CROCC2: variants seen among roughly 807,000 people sequenced by gnomAD.
CROCC2 encodes the protein ciliary rootlet coiled-coil, rootletin family member 2.
In CROCC2, 163 loss-of-function variants were observed where a neutral mutation model predicts 177.6. The ratio of observed to expected loss-of-function variants is 0.92; its 90% CI spans 0.81 to 1.05. The LOEUF is 1.05. Among genes scored for constraint, CROCC2 ranks in the 50% least tolerant of loss-of-function variants. CROCC2 has a pLI of 0.00. For synonymous variants in CROCC2, 904 were observed against 787.3 expected (o/e 1.15, Z -2.48); for missense variants, 1,929 against 1,797.8 (o/e 1.07, Z -1.32).
chr2:240,936,699 C>G lies in CROCC2; in HGVS notation c.2169+1111C>G, dbSNP rs566832220. 2.0e-5 allele frequency among the ~76,000 whole-genome samples: 3 copies of G among 152,286 alleles called. No individual in the cohort carries two copies. The South Asian group carries it at 6.2e-4, about 32-fold the overall frequency. The stretch of plus-strand genomic sequence containing the variant: ...GGGCACTTTTACATATCACTGGGAC[C>G]AGCACCCAGGTGATGTGAATTCTCT... On this transcript the variant is annotated intron_variant, in intron 14 of 31. Coordinates refer to ENST00000690015, the MANE Select transcript of CROCC2 (RefSeq NM_001351305.2).
chr2:240,966,439 G>A (rs988877808), intron 25 of CROCC2, 30 bp downstream of exon 25: 12 of 399,950 alleles, frequency 3.0e-5, no homozygotes, highest in South Asian at 1.3e-4. Context: ...TCCCGCCCAC[G>A]GCGGCACCCC....
intron 27 of CROCC2, among the ~76,000 whole-genome samples, chr2:240,975,919 TG>T (rs1270348335): frequency 1.3e-5 from 2 of 149,852 alleles, no homozygotes; most frequent in African/African-American, 2.5e-5. Context: ...TTAGTAGGAC[TG>T]GGGCTTCATT....
Position 240,918,523 on chromosome 2 carries a change from C to G in CROCC2, c.79-203C>G, listed in dbSNP as rs1247087959. Among the ~76,000 whole-genome samples, 2 of 152,238 alleles carry G rather than the reference C, an allele frequency of 1.3e-5. No individual in the cohort carries two copies. The highest frequency in any genetic ancestry group is 2.4e-5 in the African/African-American group (1 of 41,474). On this transcript the variant is annotated intron_variant, in intron 1 of 31. Coordinates refer to ENST00000690015, the MANE Select transcript of CROCC2 (RefSeq NM_001351305.2). The surrounding 1 kb of genome is among the most constrained non-coding windows in gnomAD (Gnocchi z 6.3). ...TGGGTGTGGTCCTCCTCTCCAGAAC[C>G]TGGGGACAGGCGCAGCCCCACTCCG... is the stretch of plus-strand genomic sequence containing the variant.
At position 240,964,671 on chromosome 2, in the gene CROCC2, C is replaced by T. The variant is rs2059666396; in HGVS notation, c.3465+46C>T. ...CAACATCCAACCAGGCACCCTCCCG[C>T]CTGGTGGGTCCCGGCTCCTCCCAGG... On this transcript the variant is annotated intron_variant, in intron 22 of 31. Coordinates refer to ENST00000690015, the MANE Select transcript of CROCC2 (RefSeq NM_001351305.2). 3.3e-6 allele frequency: 5 copies of T among 1,530,324 alleles called. No individual in the cohort carries two copies. The East Asian group carries it at 9.8e-5, about 30-fold the overall frequency. The allele number at this position is 1,530,324 out of a possible 1,614,324, so 94.8% of individuals were successfully genotyped here. A position where few individuals can be genotyped will look rare whatever the true frequency, so the allele number is the denominator to read the frequency against.
chr2:240,968,483 G>T (rs1005331172), intron 27 of CROCC2, among the ~76,000 whole-genome samples: 2 of 152,196 alleles, frequency 1.3e-5, no homozygotes, highest in South Asian at 2.1e-4. Context: ...GACTGGGGTC[G>T]TCCTTAGCAG....
At chr2:240,922,750 G>T in intron 4 of CROCC2, 105 bp downstream of exon 4, 1 of 478,590 alleles carries the variant, frequency 2.1e-6, no homozygotes, top group Non-Finnish European at 3.7e-6. Context: ...TCTTCCCAAA[G>T]CAGCTGTGAG....
chr2:240,965,739 C>A lies in CROCC2; in HGVS notation c.3707C>A (p.Thr1236Asn), dbSNP rs1050453559. Reference sequence around the variant, plus strand: ...CGTGAGAGCCGGGGGGCTGAGCAGACCCTCCGAGCAGAGCTGCACAGTGTC... The same window carrying A: ...CGTGAGAGCCGGGGGGCTGAGCAGAACCTCCGAGCAGAGCTGCACAGTGTC... ...HLRESRGAEQTLRAELHSVTR... is the reference protein window; with the variant it reads ...HLRESRGAEQNLRAELHSVTR... The change falls in exon 24 of 32, where the codon ACC (threonine) becomes AAC (asparagine). Residue 1236 changes from threonine (T) to asparagine (N), a missense_variant. Physicochemically the swap from Thr to Asn is moderately conservative, Grantham distance 65 (BLOSUM62 0). Transcript: ENST00000690015. The A allele has an allele frequency of 1.0e-5, 16 of 1,540,490 alleles. No homozygotes were observed. The highest frequency in any genetic ancestry group is 4.0e-5 in the Admixed American group (2 of 49,966).
chr2:240,959,562 AGGGAAGAGTAGTCCCT>A, intron 20 of CROCC2, 118 bp downstream of exon 20: 4 of 1,304,270 alleles, frequency 3.1e-6, no homozygotes, highest in Non-Finnish European at 4.1e-6. Context: ...ACCACAGAGA[AGGGAAGAGTAGTCCCT>A]GGGACTAGGA....
In CROCC2 at chr2:240,959,417, G is replaced by A. The variant is rs747131299; in HGVS notation, c.3060G>A (p.Ala1020=). The A allele has an allele frequency of 2.4e-5, 37 of 1,550,378 alleles. No individual in the cohort carries two copies. In the Middle Eastern group the frequency reaches 2.0e-3, roughly 84 times the overall value. The change falls in exon 20 of 32, where the codon GCG becomes GCA. Residue 1020 remains alanine, a synonymous_variant. Coordinates refer to ENST00000690015, the MANE Select transcript of CROCC2 (RefSeq NM_001351305.2). ...TACGCGAGAGCCTCCAGGACCTAGC[G>A]GCTGAGCGGGGCGATGTGGAGAGAG... ...TALRESLQDL[A]AERGDVEREA... is the part of the protein sequence containing the mutation.
At chr2:240,940,390 C>G (rs1216603756) in intron 14 of CROCC2, among the ~76,000 whole-genome samples, 1 of 152,056 alleles carries the variant, frequency 6.6e-6, no homozygotes, top group Non-Finnish European at 1.5e-5. Context: ...TTTTTTGATA[C>G]TGATATAGCC....
intron 28 of CROCC2, among the ~76,000 whole-genome samples, chr2:240,984,363 T>A (rs1201773535): frequency 6.6e-6 from 1 of 151,888 alleles, no homozygotes; most frequent in Non-Finnish European, 1.5e-5. Flanking sequence ...GGTCGACTGA[T>A]AGGGAAACAG....
At chr2:240,938,525 C>G (rs543438791) in intron 14 of CROCC2, among the ~76,000 whole-genome samples, 8 of 152,158 alleles carry the variant, frequency 5.3e-5, no homozygotes, top group Non-Finnish European at 1.2e-4. Flanking sequence ...TTTTCAAGAT[C>G]GTTTTGGCTG....
chr2:240,963,093 G>A (rs1207022156), intron 20 of CROCC2, among the ~76,000 whole-genome samples: 3 of 152,220 alleles, frequency 2.0e-5, no homozygotes, highest in Non-Finnish European at 4.4e-5. Context: ...CCAGGGTCAG[G>A]CCCAGCCTGC....
intron 5 of CROCC2, among the ~76,000 whole-genome samples, chr2:240,926,262 C>T (rs534493289): frequency 1.2e-3 from 185 of 152,356 alleles, no homozygotes; most frequent in African/African-American, 4.2e-3. Context: ...CTGCTGCTCA[C>T]AGCACCTGGC....
intron 29 of CROCC2, among the ~76,000 whole-genome samples, chr2:240,989,442 G>C (rs2059862327): frequency 6.6e-6 from 1 of 152,170 alleles, no homozygotes; most frequent in Admixed American, 6.5e-5. Flanking sequence ...CTGTGGCTTA[G>C]TCTCCAGCCC....
chr2:240,915,953 T>G (rs1334795458), intron 1 of CROCC2, among the ~76,000 whole-genome samples: 9 of 152,090 alleles, frequency 5.9e-5, no homozygotes, highest in African/African-American at 2.2e-4. Context: ...AATACAAGCC[T>G]CCAGCGGACG....
At chr2:240,910,204 G>T (rs1164183541) in intron 1 of CROCC2, among the ~76,000 whole-genome samples, 3 of 152,156 alleles carry the variant, frequency 2.0e-5, no homozygotes, top group Non-Finnish European at 4.4e-5. Flanking sequence ...CCCTGAAATT[G>T]CCCGTGAAGT....
chr2:240,930,371 G>C (rs1282555578), intron 6 of CROCC2, 102 bp downstream of exon 6: 1 of 442,548 alleles, frequency 2.3e-6, no homozygotes, highest in Admixed American at 4.0e-5. Flanking sequence ...CTCTCCCGTG[G>C]GTGCAGTAGC....
At chr2:240,922,458 G>A (rs941188067) in intron 3 of CROCC2, 81 bp from the exon 4 acceptor site, 20 of 616,418 alleles carry the variant, frequency 3.2e-5, no homozygotes, top group Non-Finnish European at 5.1e-5. Context: ...CACTAAGGTC[G>A]GCTTTGTGCC....
Sources: allele counts gnomAD v4.1 joint callset (sites outside exome capture counted in the v4.1 genomes callset), GRCh38; gene constraint gnomAD v4.1.1; non-coding constraint Gnocchi (gnomAD v3.1); transcripts MANE v1.5; gene names NCBI Gene and HGNC (gene_info 2026-07-23, HGNC 2026-07-21).